Variants in DSCAML1 observed in about 807,000 individuals in gnomAD.
DSCAML1 encodes the protein DS cell adhesion molecule like 1.
In DSCAML1, 38 loss-of-function variants were observed where a neutral mutation model predicts 200.5. That is an observed-to-expected ratio of 0.19 (90% CI 0.15 to 0.25). DSCAML1 has a LOEUF of 0.25. Among genes scored for constraint, DSCAML1 ranks in the 10% least tolerant of loss-of-function variants. The pLI, the probability that DSCAML1 is intolerant of heterozygous loss-of-function variation, is 1.00. For missense variants in DSCAML1, 2,223 were observed against 2,858.8 expected (o/e 0.78, Z 5.07); for synonymous variants, 1,215 against 1,165.0 (o/e 1.04, Z -0.87).
At chr11:117,521,530 G>C in intron 5 of DSCAML1, 125 bp from the exon 6 acceptor site, 1 of 970,732 alleles carries the variant, frequency 1.0e-6, no homozygotes, top group Non-Finnish European at 1.5e-6. Context: ...TCTGCCTCCA[G>C]ACCCCTTGTG....
At chr11:117,809,911 ACATT>A (rs1565295608) in intron 1 of DSCAML1, among the ~76,000 whole-genome samples, 16 of 145,572 alleles carry the variant, frequency 1.1e-4, no homozygotes, top group African/African-American at 3.8e-4. Context: ...ACTCACACAC[ACATT>A]CACACATTCA....
In DSCAML1 at chr11:117,471,989, T is replaced by C; in HGVS notation, c.2833A>G (p.Asn945Asp). Reference sequence around the variant, plus strand: ...TGCAAGTCCACAATGTTGGCCTGGTTGATGGTGGGGGAGATGTTGCGTGTG... The same window carrying C: ...TGCAAGTCCACAATGTTGGCCTGGTCGATGGTGGGGGAGATGTTGCGTGTG... ...QSTRNISPTI[N>D]QANIVDLHPA... Residue 945 changes from asparagine to aspartate, a missense_variant, in exon 15 of 33, where the codon AAC becomes GAC. By Grantham distance (23) the Asn-to-Asp change is conservative. Around this residue, in one of 7 missense-constraint regions of DSCAML1, gnomAD observed 438 missense variants for 629.7 expected, o/e 0.70. Transcript: ENST00000651296. The C allele has an allele frequency of 6.2e-7, 1 of 1,614,150 alleles. No homozygotes were observed. The highest frequency in any genetic ancestry group is 1.3e-5 in the African/African-American group (1 of 75,040).
chr11:117,498,979 C>T lies in DSCAML1; in HGVS notation c.2359+4866G>A, dbSNP rs577977048. Among the ~76,000 whole-genome samples, 40 of 152,296 alleles carry T rather than the reference C, an allele frequency of 2.6e-4. No individual in the cohort carries two copies. Among genetic ancestry groups the T allele is most frequent in the African/African-American group, 9.1e-4 (38 of 41,564 alleles). ...GTCTGGGAGGTCCAACGAGACCTGTCTAATAAGGTCACCTGCTGGATAAGA... is the reference window on the plus strand; with the variant it reads ...GTCTGGGAGGTCCAACGAGACCTGTTTAATAAGGTCACCTGCTGGATAAGA... On this transcript the variant is annotated intron_variant, in intron 11 of 32. Transcript: ENST00000651296. The surrounding 1 kb of genome is among the most constrained non-coding windows in gnomAD (Gnocchi z 4.0).
intron 19 of DSCAML1, among the ~76,000 whole-genome samples, chr11:117,456,762 C>T (rs1184811373): frequency 2.6e-5 from 4 of 151,730 alleles, no homozygotes; most frequent in African/African-American, 9.7e-5. Context: ...GCAACTTCCA[C>T]CTCCCAGGTT....
chr11:117,632,550 G>T (rs1026656978), intron 3 of DSCAML1, among the ~76,000 whole-genome samples: 12 of 152,184 alleles, frequency 7.9e-5, no homozygotes, highest in Non-Finnish European at 1.0e-4. Context: ...TTGCTCCTGG[G>T]AGCCGATATG....
chr11:117,716,500 T>G (rs1030184792), intron 3 of DSCAML1, among the ~76,000 whole-genome samples: 1 of 152,162 alleles, frequency 6.6e-6, no homozygotes, highest in African/African-American at 2.4e-5. Context: ...ACTGTAGCCA[T>G]GAGCGCTGCA....
At chr11:117,732,202 A>G (rs906784991) in intron 3 of DSCAML1, among the ~76,000 whole-genome samples, 1 of 152,244 alleles carries the variant, frequency 6.6e-6, no homozygotes, top group Admixed American at 6.5e-5. Flanking sequence ...CTGTGCTGGA[A>G]GCTTTTGCAT....
At chr11:117,781,165 T>C (rs1403537820) in intron 1 of DSCAML1, among the ~76,000 whole-genome samples, 1 of 151,496 alleles carries the variant, frequency 6.6e-6, no homozygotes, top group Non-Finnish European at 1.5e-5. Context: ...TGCACACGCG[T>C]CTGTAGTTTC....
Position 117,516,289 on chromosome 11 carries a change from G to A in DSCAML1, c.1783+178C>T, listed in dbSNP as rs967593518. On this transcript the variant is annotated intron_variant, in intron 8 of 32. Coordinates refer to ENST00000651296, the MANE Select transcript of DSCAML1 (RefSeq NM_020693.4). This position sits in a 1 kb window ranked among gnomAD's most constrained non-coding sequence, Gnocchi z 5.7. ...GGATGTAGAGGAGCTCATGGCCTGC[G>A]TCCACCCACAGTCTTCTGCCCTGCT... is the stretch of plus-strand genomic sequence containing the variant. 3.3e-5 allele frequency among the ~76,000 whole-genome samples: 5 copies of A among 152,218 alleles called. No homozygotes were observed. Among genetic ancestry groups the A allele is most frequent in the African/African-American group, 9.6e-5 (4 of 41,456 alleles).
intron 3 of DSCAML1, among the ~76,000 whole-genome samples, chr11:117,607,017 C>T (rs1214607399): frequency 2.6e-5 from 4 of 152,204 alleles, no homozygotes; most frequent in Non-Finnish European, 4.4e-5. Context: ...TTGGGAGACT[C>T]ACCATCTACT....
At chr11:117,654,873 G>A (rs1232459568) in intron 3 of DSCAML1, among the ~76,000 whole-genome samples, 1 of 152,146 alleles carries the variant, frequency 6.6e-6, no homozygotes, top group Non-Finnish European at 1.5e-5. Context: ...TTTATTCCGG[G>A]TACCCTGGTG....
intron 8 of DSCAML1, among the ~76,000 whole-genome samples, chr11:117,507,403 C>A (rs2049522769): frequency 6.6e-6 from 1 of 152,200 alleles, no homozygotes; most frequent in East Asian, 1.9e-4. Flanking sequence ...GGCCCTCCGC[C>A]CTCAGGGCAC....
chr11:117,624,744 C>G (rs1368410717), intron 3 of DSCAML1, among the ~76,000 whole-genome samples: 3 of 152,154 alleles, frequency 2.0e-5, no homozygotes, highest in African/African-American at 7.2e-5. Context: ...CTGGTAAGCC[C>G]TGGGGTCAAA....
intron 3 of DSCAML1, among the ~76,000 whole-genome samples, chr11:117,771,690 T>C (rs2055042658): frequency 6.6e-6 from 1 of 152,208 alleles, no homozygotes; most frequent in Admixed American, 6.5e-5. Flanking sequence ...TTATTAGCTG[T>C]GTGGCCTTGG....
intron 5 of DSCAML1, among the ~76,000 whole-genome samples, chr11:117,523,982 A>C (rs568797738): frequency 3.9e-5 from 6 of 152,294 alleles, no homozygotes; most frequent in African/African-American, 1.4e-4. Context: ...AGCTAGAAGG[A>C]ACTTCTTCAT....
chr11:117,801,952 G>A (rs1366877600), upstream of DSCAML1: 1 of 152,224 alleles, frequency 6.6e-6, no homozygotes, highest in Non-Finnish European at 1.5e-5. Context: ...AACCCAGAGA[G>A]GTTCCATGTA....
At chr11:117,613,389 G>A (rs1565826640) in intron 3 of DSCAML1, among the ~76,000 whole-genome samples, 1 of 152,148 alleles carries the variant, frequency 6.6e-6, no homozygotes, top group Non-Finnish European at 1.5e-5. Flanking sequence ...AGGTGAGGCA[G>A]AAGCTTAAAG....
chr11:117,768,431 G>A (rs1221068523), intron 3 of DSCAML1, among the ~76,000 whole-genome samples: 1 of 152,192 alleles, frequency 6.6e-6, no homozygotes, highest in South Asian at 2.1e-4. Flanking sequence ...GTGACTCCAG[G>A]ACCACCACCT....
At chr11:117,750,498 G>C (rs921369638) in intron 3 of DSCAML1, among the ~76,000 whole-genome samples, 1 of 152,208 alleles carries the variant, frequency 6.6e-6, no homozygotes, top group African/African-American at 2.4e-5. Flanking sequence ...GTTGGGCAGA[G>C]AAGGATAAAC....
Sources: allele counts gnomAD v4.1 joint callset (sites outside exome capture counted in the v4.1 genomes callset), GRCh38; gene constraint gnomAD v4.1.1; regional missense constraint gnomAD v4.1.1; non-coding constraint Gnocchi (gnomAD v3.1); transcripts MANE v1.5; gene names NCBI Gene and HGNC (gene_info 2026-07-23, HGNC 2026-07-21).